Variants in CHLSN observed in about 807,000 individuals in gnomAD.
CHLSN encodes protein cholesin.
chr7:1,016,219 GCACACGCCAGCA>G, the CHLSN span, among the ~76,000 whole-genome samples: 5 of 56,718 alleles, frequency 8.8e-5, no homozygotes, highest in Admixed American at 3.7e-4. Flanking sequence ...GCACACAGCA[GCACACGCCAGCA>G]CACAGCAGCA....
At chr7:984,765 A>G in the CHLSN span, among the ~76,000 whole-genome samples, 1 of 152,144 alleles carries the variant, frequency 6.6e-6, no homozygotes. Context: ...AGAACCAGCA[A>G]GCGGGGTTCT....
chr7:997,990 A>G, the CHLSN span, among the ~76,000 whole-genome samples: 3 of 152,282 alleles, frequency 2.0e-5, no homozygotes, highest in African/African-American at 7.2e-5. Context: ...ATGCCTGTTT[A>G]GAGGCAGACA....
the CHLSN span, chr7:1,009,943 C>T: frequency 4.3e-5 from 66 of 1,539,056 alleles, no homozygotes; most frequent in Non-Finnish European, 5.3e-5. Flanking sequence ...GGGGCAGGGC[C>T]GCTCACCTGC....
the CHLSN span, among the ~76,000 whole-genome samples, chr7:998,153 G>A: frequency 1.3e-5 from 2 of 152,308 alleles, no homozygotes; most frequent in Admixed American, 6.5e-5. Flanking sequence ...AGCCAAGTAC[G>A]CGCCGGCACT....
At chr7:1,043,027 G>A in the CHLSN span, among the ~76,000 whole-genome samples, 398 of 151,664 alleles carry the variant, frequency 2.6e-3, 3 homozygotes, top group Middle Eastern at 0.01. Flanking sequence ...CCAGGCAGGC[G>A]GATCACTTGA....
chr7:1,056,858 G>C, the CHLSN span: 1 of 151,620 alleles, frequency 6.6e-6, no homozygotes, highest in African/African-American at 2.4e-5. Flanking sequence ...CCTGTGCTTT[G>C]GCGGGGTGGG....
At chr7:1,073,377 GC>G in the CHLSN span, among the ~76,000 whole-genome samples, 4 of 151,998 alleles carry the variant, frequency 2.6e-5, no homozygotes, top group African/African-American at 9.7e-5. Context: ...GCTACTCCCC[GC>G]GCAGGCAGCT....
chr7:989,161 T>C, the CHLSN span: 1 of 330,388 alleles, frequency 3.0e-6, no homozygotes, highest in Non-Finnish European at 5.6e-6. Flanking sequence ...CAGCTGGGGC[T>C]GCAGGGAGAC....
At chr7:1,019,215 G>T in the CHLSN span, among the ~76,000 whole-genome samples, 6 of 124,524 alleles carry the variant, frequency 4.8e-5, no homozygotes, top group South Asian at 5.6e-4. Flanking sequence ...AAAAAAACGG[G>T]GGGGGGGGAG....
At chr7:1,130,436 G>A in the CHLSN span, among the ~76,000 whole-genome samples, 8 of 152,162 alleles carry the variant, frequency 5.3e-5, no homozygotes, top group East Asian at 1.9e-4. Flanking sequence ...GCAGGGGCCC[G>A]GCCCACGCCT....
chr7:1,131,036 T>A, the CHLSN span, among the ~76,000 whole-genome samples: 1 of 151,776 alleles, frequency 6.6e-6, no homozygotes, highest in African/African-American at 2.4e-5. Flanking sequence ...AAACATTTTT[T>A]AAAAATTGGC....
the CHLSN span, among the ~76,000 whole-genome samples, chr7:1,001,087 G>A: frequency 6.6e-6 from 1 of 152,194 alleles, no homozygotes; most frequent in African/African-American, 2.4e-5. Context: ...ACTAGGGCCT[G>A]TGGACATCAG....
chr7:1,078,888 C>G, the CHLSN span, among the ~76,000 whole-genome samples: 2 of 152,270 alleles, frequency 1.3e-5, no homozygotes, highest in Non-Finnish European at 2.9e-5. Flanking sequence ...CCCAGCTCAG[C>G]CTTCCCCCAA....
the CHLSN span, among the ~76,000 whole-genome samples, chr7:1,135,819 A>G: frequency 7.3e-6 from 1 of 137,630 alleles, no homozygotes; most frequent in African/African-American, 2.8e-5. Context: ...TATTTATATA[A>G]AATAAATATA....
the CHLSN span, among the ~76,000 whole-genome samples, chr7:1,044,050 C>G: frequency 1.1e-4 from 17 of 152,342 alleles, no homozygotes; most frequent in East Asian, 3.3e-3. Flanking sequence ...CTTTAAACGG[C>G]TTTCCTGTGA....
chr7:1,084,381 C>T, the CHLSN span, among the ~76,000 whole-genome samples: 6 of 152,252 alleles, frequency 3.9e-5, no homozygotes, highest in Non-Finnish European at 8.8e-5. Context: ...TGAGACACGG[C>T]GCACTTCTCC....
At chr7:1,041,291 C>CA in the CHLSN span, among the ~76,000 whole-genome samples, 164 of 118,060 alleles carry the variant, frequency 1.4e-3, 11 homozygotes, top group South Asian at 2.9e-3. Flanking sequence ...CTCCGCGCTG[C>CA]GGGGAAGGGG....
chr7:1,111,432 T>A, the CHLSN span, among the ~76,000 whole-genome samples: 19 of 152,188 alleles, frequency 1.2e-4, no homozygotes, highest in Non-Finnish European at 2.5e-4. Flanking sequence ...ACTATTCTCA[T>A]CCATGGCATA....
At chr7:1,019,530 C>T in the CHLSN span, among the ~76,000 whole-genome samples, 1 of 152,204 alleles carries the variant, frequency 6.6e-6, no homozygotes, top group Non-Finnish European at 1.5e-5. Flanking sequence ...CTGCAGCACC[C>T]GGGCTTTTCA....
Sources: gnomAD v4.1 joint callset for allele counts (sites outside exome capture counted in the v4.1 genomes callset) on GRCh38, gnomAD v4.1.1 for gene constraint, MANE v1.5 for transcripts, NCBI Gene and HGNC (gene_info 2026-07-23, HGNC 2026-07-21) for gene names.